The following SPAST variants were observed in gnomAD, a reference collection of about 807,000 sequenced individuals.
The protein encoded by SPAST is spastin.
In SPAST, 30 loss-of-function variants were observed where a neutral mutation model predicts 76.6. The ratio of observed to expected loss-of-function variants is 0.39; its 90% CI spans 0.29 to 0.53. The LOEUF (loss-of-function observed/expected upper bound fraction) is 0.53. Ranked by LOEUF, SPAST falls within the 20% of genes least tolerant of loss-of-function variation. SPAST has a pLI of 0.68. For missense variants in SPAST, 717 were observed against 770.5 expected (o/e 0.93, Z 0.82); for synonymous variants, 305 against 281.0 (o/e 1.09, Z -0.86).
At chr2:32,064,292 C>CCCGGGAAAGAGGGG in intron 1 of SPAST, 46 bp downstream of exon 1, 2 of 284,174 alleles carry the variant, frequency 7.0e-6, no homozygotes, top group Non-Finnish European at 6.3e-6. Flanking sequence ...GGGAAGAAGG[C>CCCGGGAAAGAGGGG]GGTGGGGTCG....
intron 4 of SPAST, among the ~76,000 whole-genome samples, chr2:32,099,207 G>A (rs564363269): frequency 1.3e-4 from 20 of 151,980 alleles, no homozygotes; most frequent in Middle Eastern, 3.4e-3. Context: ...GTTTTTATAT[G>A]GATAGCTATA....
At chr2:32,066,343 A>G (rs1172533324) in intron 1 of SPAST, among the ~76,000 whole-genome samples, 3 of 152,164 alleles carry the variant, frequency 2.0e-5, no homozygotes, top group African/African-American at 4.8e-5. Context: ...AACGGTTGCA[A>G]AGTTTTAGAA....
intron 1 of SPAST, among the ~76,000 whole-genome samples, chr2:32,073,148 TGTTA>T (rs1353297747): frequency 6.6e-6 from 1 of 152,234 alleles, no homozygotes; most frequent in Non-Finnish European, 1.5e-5. Flanking sequence ...CCCATATTAC[TGTTA>T]GTTGTCCTGA....
Position 32,137,177 on chromosome 2 carries a change from G to C in SPAST, c.1482G>C (p.Glu494Asp). 1 of 1,612,314 alleles carries C rather than the reference G, an allele frequency of 6.2e-7. No homozygotes were observed. Among genetic ancestry groups the C allele is most frequent in the African/African-American group, 1.3e-5 (1 of 74,992 alleles). The change falls in exon 12 of 17, where the codon GAG becomes GAC. Residue 494 changes from glutamate to aspartate, a missense_variant. Glu to Asp is a conservative substitution (Grantham distance 45). Transcript: ENST00000315285. The part of the protein sequence containing the change: ...GATNRPQELD[E>D]AVLRRFIKRV... ...CTAATAGGCCACAAGAGCTTGATGA[G>C]GCTGTTCTCAGGTAGGGAGATTTAT...
chr2:32,109,172 G>C (rs967553207), intron 4 of SPAST, among the ~76,000 whole-genome samples: 3 of 151,938 alleles, frequency 2.0e-5, no homozygotes, highest in Non-Finnish European at 2.9e-5. Flanking sequence ...GCAGTGGCAC[G>C]ATTTCAGCTC....
At chr2:32,141,387 T>A (rs140185840) in intron 12 of SPAST, among the ~76,000 whole-genome samples, 23 of 152,362 alleles carry the variant, frequency 1.5e-4, no homozygotes, top group Non-Finnish European at 2.8e-4. Flanking sequence ...GGGACTGGCC[T>A]TATTACCCTT....
At chr2:32,075,104 T>A (rs984136004) in intron 1 of SPAST, among the ~76,000 whole-genome samples, 2 of 151,928 alleles carry the variant, frequency 1.3e-5, no homozygotes, top group Non-Finnish European at 2.9e-5. Context: ...ATAAACGAGA[T>A]ATGGGGAAGA....
At position 32,115,942 on chromosome 2, in the gene SPAST, A is replaced by C. The variant is rs551697872; in HGVS notation, c.1004+107A>C. The C allele has an allele frequency of 2.5e-5, 25 of 1,015,898 alleles. No homozygotes were observed. In the African/African-American group the frequency reaches 3.8e-4, roughly 15 times the overall value. 62.9% of individuals were successfully genotyped at this position (1,015,898 alleles called of 1,614,324 possible). On this transcript the variant is annotated intron_variant, in intron 6 of 16. Transcript: ENST00000315285. The stretch of plus-strand genomic sequence containing the variant: ...ATAATAAATACCTTGTCTGGTTTAC[A>C]TACTTAATTTTTATGATAGTTTTCA...
In SPAST at chr2:32,146,280, C is replaced by T. The variant is rs554636708; in HGVS notation, c.1688-938C>T. ...CATCCATTAAAGTACAGAAAATGGC[C>T]GGGTGCAGTGGCTCACACCTATAAT... On this transcript the variant is annotated intron_variant, in intron 15 of 16. Transcript: ENST00000315285. Among the ~76,000 whole-genome samples, 5 of 152,206 alleles carry T rather than the reference C, an allele frequency of 3.3e-5. 1 individual carries two copies. The South Asian group carries it at 6.2e-4, about 19-fold the overall frequency.
In SPAST at chr2:32,136,619, A is replaced by G; in HGVS notation, c.1302A>G (p.Gln434=). 6.2e-7 allele frequency: 1 copy of G among 1,613,078 alleles called. No homozygotes were observed. Among genetic ancestry groups the G allele is most frequent in the Non-Finnish European group, 8.5e-7 (1 of 1,179,184 alleles). ...TTTTTGCTGTGGCTCGAGAACTTCA[A>G]CCTTCTATAATTTTTATAGGTAAGA... ...RALFAVAREL[Q]PSIIFIDEVD... The change falls in exon 10 of 17, where the codon CAA becomes CAG. Residue 434 remains glutamine (Q), a synonymous_variant. Transcript: ENST00000315285.
chr2:32,064,240 G>A lies in SPAST; in HGVS notation c.409G>A (p.Glu137Lys), dbSNP rs1452605902. 1 of 1,447,548 alleles carries A rather than the reference G, an allele frequency of 6.9e-7. No individual in the cohort carries two copies. Among genetic ancestry groups the A allele is most frequent in the Admixed American group, 2.1e-5 (1 of 48,040 alleles). 89.7% of individuals were successfully genotyped at this position (1,447,548 alleles called of 1,614,324 possible). A position where few individuals can be genotyped will look rare whatever the true frequency, so the allele number is the denominator to read the frequency against. Residue 137 changes from glutamate (E) to lysine (K), a missense_variant, in exon 1 of 17, where the codon GAG becomes AAG. Transcript: ENST00000315285. ...CATTGCCCTGCGCATCGATGAGGATGAGAAAGGTAACTAGGGGGCTGGGGG... is the reference window on the plus strand; with the variant it reads ...CATTGCCCTGCGCATCGATGAGGATAAGAAAGGTAACTAGGGGGCTGGGGG... Reference protein sequence around the residue: ...ISIALRIDEDEKAGQKEQAVE... With the variant: ...ISIALRIDEDKKAGQKEQAVE...
chr2:32,100,441 T>C (rs1188312497), intron 4 of SPAST, among the ~76,000 whole-genome samples: 1 of 151,862 alleles, frequency 6.6e-6, no homozygotes, highest in East Asian at 1.9e-4. Flanking sequence ...GCCTTCTTTT[T>C]CTTTTGGCAT....
At chr2:32,076,641 C>T (rs1349424772) in intron 1 of SPAST, among the ~76,000 whole-genome samples, 1 of 152,026 alleles carries the variant, frequency 6.6e-6, no homozygotes, top group Non-Finnish European at 1.5e-5. Flanking sequence ...CTTTGTGGTC[C>T]ATGTAGTTTG....
At chr2:32,104,124 A>C (rs1474490697) in intron 4 of SPAST, among the ~76,000 whole-genome samples, 2 of 152,058 alleles carry the variant, frequency 1.3e-5, no homozygotes, top group Non-Finnish European at 2.9e-5. Flanking sequence ...TGCTTTATGA[A>C]TCTGGGTGCT....
At chr2:32,072,085 C>T (rs1676772628) in intron 1 of SPAST, among the ~76,000 whole-genome samples, 2 of 152,126 alleles carry the variant, frequency 1.3e-5, no homozygotes, top group South Asian at 2.1e-4. Context: ...CTCTGTTGCC[C>T]AGGCTGGAGT....
rs570290337 is a variant in SPAST at position 32,097,267 on chromosome 2, G to C, written c.587-1529G>C. ...CCAGATCTTGGGAGGGGTTTTTGTT[G>C]TTATTTGATGTGGGGGTAAGGTTGA... On this transcript the variant is annotated intron_variant, in intron 3 of 16. Transcript: ENST00000315285. 4.3e-4 allele frequency among the ~76,000 whole-genome samples: 65 copies of C among 152,192 alleles called. No homozygotes were observed. The Middle Eastern group carries it at 0.014, about 32-fold the overall frequency.
intron 1 of SPAST, among the ~76,000 whole-genome samples, chr2:32,074,619 G>C (rs1442167870): frequency 2.6e-5 from 4 of 151,810 alleles, no homozygotes; most frequent in African/African-American, 9.7e-5. Flanking sequence ...CGACTCTCCT[G>C]CCTCAGCCTC....
intron 4 of SPAST, among the ~76,000 whole-genome samples, chr2:32,111,450 A>AGT (rs1558321038): frequency 6.8e-6 from 1 of 147,072 alleles, no homozygotes; most frequent in Non-Finnish European, 1.5e-5. Flanking sequence ...TATACTGTAT[A>AGT]GTATATAGAG....
chr2:32,078,403 T>G (rs1179727550), intron 1 of SPAST, among the ~76,000 whole-genome samples: 1 of 152,140 alleles, frequency 6.6e-6, no homozygotes, highest in Non-Finnish European at 1.5e-5. Flanking sequence ...CTCGAACGCC[T>G]AGCCTCAAGT....
Sources: gnomAD v4.1 joint callset for allele counts (sites outside exome capture counted in the v4.1 genomes callset) on GRCh38, gnomAD v4.1.1 for gene constraint, MANE v1.5 for transcripts, NCBI Gene and HGNC (gene_info 2026-07-23, HGNC 2026-07-21) for gene names.